The following SUSD1 variants were observed in gnomAD, a reference collection of about 807,000 sequenced individuals.
SUSD1 encodes the protein sushi domain-containing protein 1.
A neutral mutation model predicts 86.9 loss-of-function variants in SUSD1; 65 were observed. The ratio of observed to expected loss-of-function variants is 0.75; its 90% CI spans 0.61 to 0.92. The LOEUF (loss-of-function observed/expected upper bound fraction) is 0.92, where lower values mean the gene tolerates loss of function less well. SUSD1 is among the 40% of genes least tolerant of loss of function. The pLI, the probability that SUSD1 is intolerant of heterozygous loss-of-function variation, is 0.00. For missense variants in SUSD1, 850 were observed against 929.7 expected (o/e 0.91, Z 1.11); for synonymous variants, 346 against 350.0 (o/e 0.99, Z 0.13).
chr9:112,041,774 C>T (rs1025649664), intron 16 of SUSD1, 93 bp downstream of exon 16: 15 of 1,291,566 alleles, frequency 1.2e-5, no homozygotes, highest in Non-Finnish European at 1.5e-5. Flanking sequence ...CCCACACTCC[C>T]TTTGACTCCC....
intron 14 of SUSD1, among the ~76,000 whole-genome samples, chr9:112,055,695 T>C (rs1398912431): frequency 6.6e-6 from 1 of 152,176 alleles, no homozygotes; most frequent in Non-Finnish European, 1.5e-5. Context: ...CTGAAACAGA[T>C]ATTTGCATAC....
chr9:112,171,080 C>T (rs1834027292), intron 1 of SUSD1, among the ~76,000 whole-genome samples: 2 of 152,240 alleles, frequency 1.3e-5, no homozygotes, highest in African/African-American at 4.8e-5. Context: ...TAGCAATCAG[C>T]CCCAAATGGT....
chr9:112,047,249 A>G (rs1165632332), intron 15 of SUSD1, among the ~76,000 whole-genome samples: 1 of 152,158 alleles, frequency 6.6e-6, no homozygotes, highest in Non-Finnish European at 1.5e-5. Flanking sequence ...ACACACGTTC[A>G]AACAACCAAA....
chr9:112,041,518 G>A lies in SUSD1; in HGVS notation c.*-26C>T, dbSNP rs375505623. 7.7e-6 allele frequency: 6 copies of A among 780,900 alleles called. No individual in the cohort carries two copies. The African/African-American group carries it at 1.0e-4, about 13-fold the overall frequency. 48.4% of individuals were successfully genotyped at this position (780,900 alleles called of 1,614,324 possible). Reference sequence around the variant, plus strand: ...CTAGACATGGAGGAGGAAAAGAAAAGAGACAAATATGAACACACTTTGGTT... The same window carrying A: ...CTAGACATGGAGGAGGAAAAGAAAAAAGACAAATATGAACACACTTTGGTT... On this transcript the variant is annotated intron_variant, in intron 16 of 16. Transcript: ENST00000374270.
chr9:112,084,005 C>T (rs1048629823), intron 10 of SUSD1, among the ~76,000 whole-genome samples: 8 of 152,144 alleles, frequency 5.3e-5, no homozygotes, highest in East Asian at 1.9e-4. Flanking sequence ...CACTAGTGTC[C>T]GTAACTAAAT....
intron 12 of SUSD1, among the ~76,000 whole-genome samples, chr9:112,066,353 C>A (rs373436238): frequency 9.2e-5 from 14 of 152,236 alleles, no homozygotes; most frequent in East Asian, 5.8e-4. Context: ...AGAAATGACC[C>A]CAGGAGGGAG....
At chr9:112,174,999 G>C in intron 1 of SUSD1, 134 bp downstream of exon 1, 1 of 611,540 alleles carries the variant, frequency 1.6e-6, no homozygotes, top group Non-Finnish European at 2.1e-6. Context: ...GCCGGCGCGG[G>C]CCCCACCTGC....
At chr9:112,059,219 C>T (rs957301836) in intron 13 of SUSD1, among the ~76,000 whole-genome samples, 1 of 152,212 alleles carries the variant, frequency 6.6e-6, no homozygotes, top group Non-Finnish European at 1.5e-5. Context: ...AGGGTTAATG[C>T]CAGACGACAC....
At chr9:112,115,259 A>T (rs574572460) in intron 6 of SUSD1, among the ~76,000 whole-genome samples, 4 of 152,316 alleles carry the variant, frequency 2.6e-5, no homozygotes, top group Admixed American at 1.3e-4. Flanking sequence ...CTCTCTGCCC[A>T]AAGAAGAGTT....
intron 2 of SUSD1, among the ~76,000 whole-genome samples, chr9:112,150,054 G>A (rs1832980971): frequency 1.3e-5 from 2 of 152,186 alleles, no homozygotes; most frequent in South Asian, 2.1e-4. Flanking sequence ...CAAAATGAAC[G>A]TAAATCTCCC....
intron 5 of SUSD1, among the ~76,000 whole-genome samples, chr9:112,139,579 G>A (rs1564330370): frequency 6.6e-6 from 1 of 151,898 alleles, no homozygotes; most frequent in Non-Finnish European, 1.5e-5. Flanking sequence ...CAAGTAGCTG[G>A]GACTATAGGC....
intron 3 of SUSD1, among the ~76,000 whole-genome samples, chr9:112,143,979 C>T (rs1832698219): frequency 6.6e-6 from 1 of 152,070 alleles, no homozygotes; most frequent in Non-Finnish European, 1.5e-5. Context: ...GTGGCTCACA[C>T]CTGTAATCCC....
At chr9:112,083,926 T>A (rs1353844729) in intron 10 of SUSD1, among the ~76,000 whole-genome samples, 1 of 152,232 alleles carries the variant, frequency 6.6e-6, no homozygotes, top group Non-Finnish European at 1.5e-5. Context: ...TATGTCTCAA[T>A]GTCAAATCAT....
intron 3 of SUSD1, among the ~76,000 whole-genome samples, chr9:112,144,878 C>T (rs1334117113): frequency 6.6e-6 from 1 of 152,102 alleles, no homozygotes; most frequent in East Asian, 1.9e-4. Flanking sequence ...GCCCAATAAG[C>T]CAGAGGCTGG....
At chr9:112,118,056 C>G (rs1314757843) in intron 6 of SUSD1, among the ~76,000 whole-genome samples, 1 of 152,160 alleles carries the variant, frequency 6.6e-6, no homozygotes, top group Non-Finnish European at 1.5e-5. Flanking sequence ...TAGTGTACTC[C>G]CTTGGTTTCC....
chr9:112,083,363 G>A (rs986701446), intron 10 of SUSD1, among the ~76,000 whole-genome samples: 2 of 152,124 alleles, frequency 1.3e-5, no homozygotes, highest in African/African-American at 4.8e-5. Flanking sequence ...AAGTAGCTGG[G>A]ACTACAGGCA....
chr9:112,090,829 T>C (rs995295397), intron 10 of SUSD1, among the ~76,000 whole-genome samples: 3 of 152,228 alleles, frequency 2.0e-5, no homozygotes, highest in Admixed American at 1.3e-4. Flanking sequence ...AAAAAGTATG[T>C]GACCCTTTCT....
Position 112,170,692 on chromosome 9 carries a change from C to CATATATAT in SUSD1, c.103+4433_103+4440dup, listed in dbSNP as rs3983405. 7.0e-4 allele frequency among the ~76,000 whole-genome samples: 84 copies of CATATATAT among 120,042 alleles called. 1 individual carries two copies. Among genetic ancestry groups the CATATATAT allele is most frequent in the Middle Eastern group, 3.8e-3 (1 of 262 alleles). 78.8% of individuals were successfully genotyped at this position (120,042 alleles called of 152,430 possible). Reference sequence around the variant, plus strand: ...ATATACAAATGGACAATGGCCAGATCATATATATATATATATATAGAGAGA... The same window carrying CATATATAT: ...ATATACAAATGGACAATGGCCAGATCATATATATATATATATATATATATATAGAGAGA... On this transcript the variant is annotated intron_variant, in intron 1 of 16. Coordinates refer to ENST00000374270, the MANE Select transcript of SUSD1 (RefSeq NM_022486.5).
At position 112,041,023 on chromosome 9, in the gene SUSD1, A is replaced by T. The variant is rs2118800006; in HGVS notation, c.*469T>A. On this transcript the variant is annotated 3_prime_UTR_variant, in exon 17 of 17. Transcript: ENST00000374270. ...TCAATGACCTCCTTCATAAAGTCAA[A>T]CTCTAGCCCAAACTTAAGCCCATCT... The T allele has an allele frequency of 1.1e-5, 2 of 179,742 alleles. No individual in the cohort carries two copies. Among genetic ancestry groups the T allele is most frequent in the Middle Eastern group, 2.6e-3 (1 of 392 alleles). 11.1% of individuals were successfully genotyped at this position (179,742 alleles called of 1,614,324 possible).
Sources: allele counts gnomAD v4.1 joint callset (sites outside exome capture counted in the v4.1 genomes callset), GRCh38; gene constraint gnomAD v4.1.1; transcripts MANE v1.5; gene names NCBI Gene and HGNC (gene_info 2026-07-23, HGNC 2026-07-21).